The following NRG1 variants were observed in gnomAD, a reference collection of about 807,000 sequenced individuals.
NRG1 encodes neuregulin 1.
In NRG1, 18 loss-of-function variants were observed where a neutral mutation model predicts 63.8. The observed-to-expected ratio is 0.28, with a 90% CI of 0.19 to 0.42. The LOEUF (loss-of-function observed/expected upper bound fraction) is 0.42. Ranked by LOEUF, NRG1 falls within the 10% of genes least tolerant of loss-of-function variation. NRG1 has a pLI of 1.00. For missense variants in NRG1, 762 were observed against 814.7 expected, an observed-to-expected ratio of 0.94 and a Z score of 0.79; for synonymous variants, 302 against 301.3, an observed-to-expected ratio of 1.00 and a Z score of -0.02.
At chr8:32,395,693 T>C (rs1266761751) in intron 1 of NRG1, among the ~76,000 whole-genome samples, 3 of 152,152 alleles carry the variant, frequency 2.0e-5, no homozygotes, top group Non-Finnish European at 4.4e-5. Flanking sequence ...TTCTTACCTT[T>C]ACATTCCCTT....
rs77268700 is a variant in NRG1, at chr8:32,648,068, A to G, written c.502+31183A>G. ...CTACTCACCTTGACCCTGGGGGGTT[A>G]GGCCAGGACCCTATTATTTCTCTGG... On this transcript the variant is annotated intron_variant, in intron 5 of 11. Coordinates refer to ENST00000356819, the Ensembl canonical transcript of NRG1. 5.3e-5 allele frequency: 85 copies of G among 1,613,962 alleles called. No homozygotes were observed. In the Admixed American group the frequency reaches 1.4e-3, roughly 27 times the overall value.
intron 1 of NRG1, among the ~76,000 whole-genome samples, chr8:32,391,847 C>T (rs894320730): frequency 6.6e-6 from 1 of 152,114 alleles, no homozygotes; most frequent in Non-Finnish European, 1.5e-5. Flanking sequence ...GGGGAAAGAT[C>T]AGCTGCTGAT....
At chr8:32,637,770 T>A (rs2129545189) in intron 5 of NRG1, among the ~76,000 whole-genome samples, 1 of 152,256 alleles carries the variant, frequency 6.6e-6, no homozygotes, top group Admixed American at 6.5e-5. Flanking sequence ...GGGGAAGTTG[T>A]TGGGTTCTGG....
At chr8:32,171,062 C>G (rs967496556) in intron 1 of NRG1, among the ~76,000 whole-genome samples, 1 of 151,960 alleles carries the variant, frequency 6.6e-6, no homozygotes, top group Non-Finnish European at 1.5e-5. Flanking sequence ...TCCTGTGTGT[C>G]TAGCTTGTTG....
intron 5 of NRG1, among the ~76,000 whole-genome samples, chr8:32,678,822 T>G (rs1807864576): frequency 1.3e-5 from 2 of 152,192 alleles, no homozygotes; most frequent in African/African-American, 2.4e-5. Context: ...TAACCCATGC[T>G]GAATGTGCTA....
At chr8:32,161,344 A>C (rs1280699635) in intron 1 of NRG1, among the ~76,000 whole-genome samples, 1 of 152,338 alleles carries the variant, frequency 6.6e-6, no homozygotes, top group South Asian at 2.1e-4. Context: ...AAAGAGAAAG[A>C]GCCAGAGTAC....
chr8:31,938,463 C>T (rs1801259727), intron 1 of NRG1, among the ~76,000 whole-genome samples: 1 of 152,056 alleles, frequency 6.6e-6, no homozygotes, highest in Non-Finnish European at 1.5e-5. Flanking sequence ...TGAGATGGGA[C>T]CAGAAAAACA....
At chr8:32,098,083 A>C (rs1399218493) in intron 1 of NRG1, among the ~76,000 whole-genome samples, 1 of 152,186 alleles carries the variant, frequency 6.6e-6, no homozygotes, top group African/African-American at 2.4e-5. Context: ...GAGTTGCCAG[A>C]GAAAGAAACC....
chr8:32,036,671 C>T (rs74384137), intron 1 of NRG1, among the ~76,000 whole-genome samples: 12,508 of 152,086 alleles, frequency 0.082, 1,578 homozygotes, highest in African/African-American at 0.27. Flanking sequence ...TGCTTTATTT[C>T]GGCAAGATAG....
intron 1 of NRG1, among the ~76,000 whole-genome samples, chr8:31,674,812 G>A (rs796082112): frequency 9.2e-5 from 14 of 152,296 alleles, no homozygotes; most frequent in African/African-American, 2.9e-4. Context: ...TATGTCCTTC[G>A]TAGCATCCTT....
At chr8:32,521,975 C>A (rs1407100139) in intron 1 of NRG1, among the ~76,000 whole-genome samples, 1 of 152,108 alleles carries the variant, frequency 6.6e-6, no homozygotes, top group Non-Finnish European at 1.5e-5. Flanking sequence ...GAAATAAATA[C>A]CAGATGAGTA....
chr8:32,426,953 C>T (rs560167565), intron 1 of NRG1, among the ~76,000 whole-genome samples: 21 of 151,952 alleles, frequency 1.4e-4, no homozygotes, highest in East Asian at 9.7e-4. Flanking sequence ...ACTACATTTT[C>T]GCAACAACAT....
At chr8:31,865,284 A>T (rs1563501430) in intron 1 of NRG1, among the ~76,000 whole-genome samples, 1 of 152,186 alleles carries the variant, frequency 6.6e-6, no homozygotes, top group South Asian at 2.1e-4. Context: ...GAGGCACCAG[A>T]GGAAGTAGGC....
chr8:32,517,247 T>G (rs1829916359), intron 1 of NRG1, among the ~76,000 whole-genome samples: 1 of 152,170 alleles, frequency 6.6e-6, no homozygotes, highest in African/African-American at 2.4e-5. Flanking sequence ...GGTTTGTCTG[T>G]CTGGAGTACT....
chr8:32,517,088 C>T (rs924356685), intron 1 of NRG1, among the ~76,000 whole-genome samples: 2 of 152,086 alleles, frequency 1.3e-5, no homozygotes, highest in African/African-American at 4.8e-5. Context: ...ATTTATAGTT[C>T]TCCATCTGCC....
chr8:31,665,530 G>A (rs1202256135), intron 1 of NRG1, among the ~76,000 whole-genome samples: 2 of 152,174 alleles, frequency 1.3e-5, no homozygotes, highest in Non-Finnish European at 2.9e-5. Context: ...GCCAAACTAT[G>A]TTTTAGAGAG....
chr8:31,874,331 A>G (rs1291918069), intron 1 of NRG1, among the ~76,000 whole-genome samples: 1 of 152,238 alleles, frequency 6.6e-6, no homozygotes, highest in Non-Finnish European at 1.5e-5. Context: ...AAAGTAATGG[A>G]TGAAATAAAG....
At chr8:32,609,572 T>C (rs1405593971) in intron 3 of NRG1, among the ~76,000 whole-genome samples, 14 of 119,820 alleles carry the variant, frequency 1.2e-4, no homozygotes, top group African/African-American at 5.5e-4. Flanking sequence ...CCTTCCTTCC[T>C]TCCTTCCTTC....
intron 1 of NRG1, among the ~76,000 whole-genome samples, chr8:32,267,766 G>GAGAAGAA (rs1851132507): frequency 6.6e-6 from 1 of 152,158 alleles, no homozygotes; most frequent in African/African-American, 2.4e-5. Flanking sequence ...CTAAAATGGA[G>GAGAAGAA]CTGATGTTCA....
Sources: gnomAD v4.1 joint callset for allele counts (sites outside exome capture counted in the v4.1 genomes callset) on GRCh38, gnomAD v4.1.1 for gene constraint, MANE v1.5 for transcripts, NCBI Gene and HGNC (gene_info 2026-07-23, HGNC 2026-07-21) for gene names.